The following SLC12A8 variants were observed in gnomAD, a reference collection of about 807,000 sequenced individuals.
SLC12A8 encodes the protein solute carrier family 12 member 8.
Under a neutral mutation model 75.6 loss-of-function variants are expected in SLC12A8, and 69 were observed. The ratio of observed to expected loss-of-function variants is 0.91; its 90% confidence interval spans 0.75 to 1.11. The LOEUF is 1.11. Among genes scored for constraint, SLC12A8 ranks in the 50% most tolerant of loss-of-function variants. SLC12A8 has a pLI of 0.00. For synonymous variants in SLC12A8, 365 were observed against 372.8 expected, an observed-to-expected ratio of 0.98 and a Z score of 0.24; for missense variants, 877 against 896.7, an observed-to-expected ratio of 0.98 and a Z score of 0.28.
chr3:125,204,178 G>A (rs1006288972), intron 2 of SLC12A8, among the ~76,000 whole-genome samples: 1 of 152,136 alleles, frequency 6.6e-6, no homozygotes, highest in Admixed American at 6.5e-5. Context: ...CAATATGGAA[G>A]CTCATTAAAA....
At chr3:125,170,177 T>C (rs564695734) in intron 5 of SLC12A8, among the ~76,000 whole-genome samples, 1 of 152,362 alleles carries the variant, frequency 6.6e-6, no homozygotes, top group South Asian at 2.1e-4. Flanking sequence ...TCAGTAACTC[T>C]TAGCTACTGT....
chr3:125,163,288 A>G (rs1162990673), intron 5 of SLC12A8, among the ~76,000 whole-genome samples: 1 of 151,814 alleles, frequency 6.6e-6, no homozygotes, highest in Non-Finnish European at 1.5e-5. Flanking sequence ...TGAGAGAGCA[A>G]GACCCTGTCT....
chr3:125,084,541 G>A (rs561242076), intron 13 of SLC12A8, among the ~76,000 whole-genome samples: 23 of 152,352 alleles, frequency 1.5e-4, no homozygotes, highest in African/African-American at 5.3e-4. Flanking sequence ...GGACTGCAAA[G>A]GCTTTTGACA....
intron 5 of SLC12A8, among the ~76,000 whole-genome samples, chr3:125,150,704 A>G (rs6764841): frequency 0.13 from 19,770 of 152,088 alleles, 2,466 homozygotes; most frequent in African/African-American, 0.32. Context: ...TTGCAGTGCG[A>G]TTCTTGTACA....
In SLC12A8 at chr3:125,208,785, CACACACAGAG is replaced by C. The variant is rs1441068626; in HGVS notation, c.51+2504_51+2513del. On this transcript the variant is annotated intron_variant, in intron 2 of 13. Transcript: ENST00000469902. ...ACACACACACACACACACACACACA[CACACACAGAG>C]AGAGAGAGAGAGAGAGAGAGAGAGA... 8.1e-5 allele frequency among the ~76,000 whole-genome samples: 8 copies of C among 98,602 alleles called. No individual in the cohort carries two copies. In the East Asian group the frequency reaches 1.9e-3, roughly 23 times the overall value. 64.7% of individuals were successfully genotyped at this position (98,602 alleles called of 152,430 possible). A position where few individuals can be genotyped will look rare whatever the true frequency, so the allele number is the denominator to read the frequency against.
At chr3:125,204,391 T>C (rs1184154281) in intron 2 of SLC12A8, among the ~76,000 whole-genome samples, 3 of 152,192 alleles carry the variant, frequency 2.0e-5, no homozygotes, top group South Asian at 2.1e-4. Flanking sequence ...TGGAAAACTA[T>C]TTAGCCATAA....
intron 5 of SLC12A8, among the ~76,000 whole-genome samples, chr3:125,136,274 C>A (rs1373441607): frequency 2.0e-5 from 3 of 152,148 alleles, no homozygotes; most frequent in Admixed American, 6.5e-5. Flanking sequence ...TTTCTCCTCC[C>A]CAGCAGCCAC....
At chr3:125,119,108 A>T in intron 7 of SLC12A8, 1 of 325,354 alleles carries the variant, frequency 3.1e-6, no homozygotes, top group South Asian at 4.5e-5. Flanking sequence ...AAAATATGGA[A>T]CACTTCACGA....
chr3:125,156,444 G>GA (rs1460380399), intron 5 of SLC12A8, among the ~76,000 whole-genome samples: 2 of 152,148 alleles, frequency 1.3e-5, no homozygotes, highest in Non-Finnish European at 2.9e-5. Flanking sequence ...CTTATGGCAG[G>GA]ATCTTGGACC....
intron 8 of SLC12A8, among the ~76,000 whole-genome samples, chr3:125,115,319 C>T (rs995278712): frequency 1.3e-5 from 2 of 151,974 alleles, no homozygotes; most frequent in East Asian, 1.9e-4. Flanking sequence ...GTCAGGAGTT[C>T]GAGACCAGCC....
chr3:125,208,348 G>C (rs1935265880), intron 2 of SLC12A8, among the ~76,000 whole-genome samples: 1 of 152,118 alleles, frequency 6.6e-6, no homozygotes, highest in Non-Finnish European at 1.5e-5. Context: ...TATGTCTTCT[G>C]CCTGACTCAG....
At chr3:125,107,106 T>C (rs772761547) in intron 10 of SLC12A8, among the ~76,000 whole-genome samples, 5 of 152,194 alleles carry the variant, frequency 3.3e-5, no homozygotes, top group Non-Finnish European at 5.9e-5. Context: ...GAAAACATAT[T>C]GCATCCTTAA....
chr3:125,208,412 A>T (rs917317110), intron 2 of SLC12A8, among the ~76,000 whole-genome samples: 2 of 151,918 alleles, frequency 1.3e-5, no homozygotes, highest in East Asian at 3.9e-4. Context: ...CATTTATACC[A>T]CTACCCCCTG....
intron 5 of SLC12A8, among the ~76,000 whole-genome samples, chr3:125,157,099 A>G: frequency 6.6e-6 from 1 of 152,074 alleles, no homozygotes; most frequent in East Asian, 1.9e-4. Flanking sequence ...AAAATATTAT[A>G]TACTATGTGA....
chr3:125,199,802 C>T (rs1935085527), intron 2 of SLC12A8, among the ~76,000 whole-genome samples: 1 of 151,176 alleles, frequency 6.6e-6, no homozygotes, highest in Non-Finnish European at 1.5e-5. Flanking sequence ...CATGAAAATA[C>T]AGTTCCAGAA....
intron 2 of SLC12A8, among the ~76,000 whole-genome samples, chr3:125,197,709 G>A (rs1029285894): frequency 1.3e-5 from 2 of 152,202 alleles, no homozygotes; most frequent in African/African-American, 2.4e-5. Flanking sequence ...TTATACTGAT[G>A]TGGCTCTGTC....
At chr3:125,098,751 C>T (rs1938785296) in intron 10 of SLC12A8, among the ~76,000 whole-genome samples, 1 of 152,194 alleles carries the variant, frequency 6.6e-6, no homozygotes, top group Non-Finnish European at 1.5e-5. Context: ...CTAAGCTGCT[C>T]CCATTAAGCA....
chr3:125,153,130 G>C (rs976848828), intron 5 of SLC12A8, among the ~76,000 whole-genome samples: 1 of 152,170 alleles, frequency 6.6e-6, no homozygotes, highest in African/African-American at 2.4e-5. Context: ...CTAGGACTGT[G>C]TCCATCCATC....
chr3:125,191,748 A>G (rs971946084), intron 2 of SLC12A8, among the ~76,000 whole-genome samples: 1 of 152,072 alleles, frequency 6.6e-6, no homozygotes, highest in Admixed American at 6.6e-5. Flanking sequence ...CTCCTCTTCC[A>G]CCTCCTGTAT....
Sources: allele counts gnomAD v4.1 joint callset (sites outside exome capture counted in the v4.1 genomes callset), GRCh38; gene constraint gnomAD v4.1.1; transcripts MANE v1.5; gene names NCBI Gene and HGNC (gene_info 2026-07-23, HGNC 2026-07-21).